MDGA2: variants seen among roughly 807,000 people sequenced by gnomAD.
MDGA2 encodes the protein MAM domain containing glycosylphosphatidylinositol anchor 2, also known as MAM domain-containing glycosylphosphatidylinositol anchor protein 2.
In MDGA2, 40 loss-of-function variants were observed where a neutral mutation model predicts 117.8. The observed-to-expected ratio is 0.34, with a 90% confidence interval of 0.26 to 0.44. The LOEUF is 0.44. MDGA2 is among the 20% of genes least tolerant of loss of function. The pLI is 1.00. For synonymous variants in MDGA2, 452 were observed against 439.0 expected, an observed-to-expected ratio of 1.03 and a Z score of -0.37; for missense variants, 1,123 against 1,250.6, an observed-to-expected ratio of 0.90 and a Z score of 1.54.
intron 3 of MDGA2, among the ~76,000 whole-genome samples, chr14:47,216,445 G>T (rs1336363593): frequency 6.6e-6 from 1 of 152,008 alleles, no homozygotes; most frequent in Admixed American, 6.6e-5. Flanking sequence ...TGGGCAAAAC[G>T]TGATTATTCA....
chr14:47,514,021 G>A (rs61995196), intron 1 of MDGA2, among the ~76,000 whole-genome samples: 8 of 152,194 alleles, frequency 5.3e-5, no homozygotes, highest in South Asian at 2.1e-4. Context: ...TAGTGACACC[G>A]GAGTGGGGAG....
In MDGA2 at chr14:46,877,350, A is replaced by C. The variant is rs1882273705; in HGVS notation, c.2437+139T>G. The C allele has an allele frequency of 6.5e-6, 3 of 462,202 alleles. 1 individual carries two copies. The South Asian group carries it at 1.2e-4, about 19-fold the overall frequency. The allele number at this position is 462,202 out of a possible 1,614,324, so 28.6% of individuals were successfully genotyped here. A position where few individuals can be genotyped will look rare whatever the true frequency, so the allele number is the denominator to read the frequency against. ...CTTTGAAATTTAAAATCTACATTTA[A>C]TGCCAATTTTACTGATTCTGAACAA... is the stretch of plus-strand genomic sequence containing the variant. On this transcript the variant is annotated intron_variant, in intron 12 of 16. Coordinates refer to ENST00000399232, the MANE Select transcript of MDGA2 (RefSeq NM_001113498.3).
At chr14:47,604,496 C>A (rs1481399151) in intron 1 of MDGA2, among the ~76,000 whole-genome samples, 5 of 133,754 alleles carry the variant, frequency 3.7e-5, no homozygotes, top group African/African-American at 1.1e-4. Flanking sequence ...CACCCCCCCC[C>A]ACCCTCACCC....
At chr14:46,878,880 C>G (rs901715638) in intron 11 of MDGA2, among the ~76,000 whole-genome samples, 12 of 152,062 alleles carry the variant, frequency 7.9e-5, no homozygotes, top group African/African-American at 2.9e-4. Flanking sequence ...AAGCTCTTAC[C>G]AGACTGAATT....
At chr14:47,544,003 C>G (rs1274800846) in intron 1 of MDGA2, among the ~76,000 whole-genome samples, 1 of 152,126 alleles carries the variant, frequency 6.6e-6, no homozygotes, top group Non-Finnish European at 1.5e-5. Flanking sequence ...AAACATTTAG[C>G]CAAACTTCTT....
intron 2 of MDGA2, among the ~76,000 whole-genome samples, chr14:47,260,226 G>T (rs921477307): frequency 6.6e-6 from 1 of 152,126 alleles, no homozygotes; most frequent in Non-Finnish European, 1.5e-5. Context: ...AATTGATGCA[G>T]ATGAATTAAT....
chr14:47,351,942 C>CAT lies in MDGA2; in HGVS notation c.281-50394_281-50393dup, dbSNP rs1427277181. On this transcript the variant is annotated intron_variant, in intron 1 of 16. Coordinates refer to ENST00000399232, the MANE Select transcript of MDGA2 (RefSeq NM_001113498.3). The stretch of plus-strand genomic sequence containing the variant: ...ACACACACACACACACACACACAAA[C>CAT]ATATATATATACACATATGCATATA... Among the ~76,000 whole-genome samples, 848 of 148,660 alleles carry CAT rather than the reference C, an allele frequency of 5.7e-3. 9 individuals are homozygous for CAT. Among genetic ancestry groups the CAT allele is most frequent in the African/African-American group, 0.02 (795 of 40,216 alleles).
At chr14:47,629,920 G>A (rs1445387296) in intron 1 of MDGA2, among the ~76,000 whole-genome samples, 2 of 152,100 alleles carry the variant, frequency 1.3e-5, no homozygotes, top group African/African-American at 2.4e-5. Flanking sequence ...TCTGTGGTGA[G>A]CCCTGAGATT....
intron 12 of MDGA2, among the ~76,000 whole-genome samples, chr14:46,876,565 A>G (rs1004226825): frequency 2.6e-5 from 4 of 151,590 alleles, no homozygotes; most frequent in Non-Finnish European, 4.4e-5. Flanking sequence ...TTACAACATG[A>G]TTTTAGCAGA....
intron 1 of MDGA2, among the ~76,000 whole-genome samples, chr14:47,436,189 G>A (rs1430550036): frequency 4.6e-5 from 7 of 152,082 alleles, no homozygotes; most frequent in African/African-American, 1.4e-4. Flanking sequence ...TTCTCAATTT[G>A]AGAAGTTGTC....
At chr14:47,308,273 G>A (rs796768310) in intron 1 of MDGA2, among the ~76,000 whole-genome samples, 39 of 152,224 alleles carry the variant, frequency 2.6e-4, no homozygotes, top group African/African-American at 8.7e-4. Context: ...AAAAAGGAGT[G>A]ATAAGTGAAA....
At chr14:47,352,781 G>C (rs193036240) in intron 1 of MDGA2, among the ~76,000 whole-genome samples, 1 of 151,826 alleles carries the variant, frequency 6.6e-6, no homozygotes, top group South Asian at 2.1e-4. Flanking sequence ...TGATTATTTC[G>C]AGAGCATTTG....
At chr14:47,280,650 C>G (rs142842772) in intron 2 of MDGA2, among the ~76,000 whole-genome samples, 1 of 151,882 alleles carries the variant, frequency 6.6e-6, no homozygotes, top group Non-Finnish European at 1.5e-5. Context: ...TACAGCCAAT[C>G]CAATGCTACT....
At chr14:47,186,017 T>C (rs550104697) in intron 3 of MDGA2, among the ~76,000 whole-genome samples, 41 of 151,742 alleles carry the variant, frequency 2.7e-4, no homozygotes, top group African/African-American at 9.9e-4. Context: ...TGTGTACATA[T>C]GTTCATACCA....
intron 2 of MDGA2, among the ~76,000 whole-genome samples, chr14:47,270,757 C>T (rs1566713188): frequency 6.6e-6 from 1 of 151,950 alleles, no homozygotes. Context: ...TTGGAATAGG[C>T]TGTATGTAAG....
chr14:47,340,539 G>A (rs1405774746), intron 1 of MDGA2, among the ~76,000 whole-genome samples: 1 of 152,030 alleles, frequency 6.6e-6, no homozygotes, highest in African/African-American at 2.4e-5. Context: ...TTTCCAGATG[G>A]GTCTCTGATA....
At chr14:47,152,470 C>T (rs1167349903) in intron 3 of MDGA2, among the ~76,000 whole-genome samples, 1 of 151,932 alleles carries the variant, frequency 6.6e-6, no homozygotes, top group East Asian at 1.9e-4. Context: ...TTATAGAAAC[C>T]TCGTCTCTTT....
chr14:47,294,080 AAAGCAG>A (rs1888979895), intron 2 of MDGA2, among the ~76,000 whole-genome samples: 1 of 151,344 alleles, frequency 6.6e-6, no homozygotes, highest in Non-Finnish European at 1.5e-5. Flanking sequence ...AGGGATTGTG[AAAGCAG>A]CCATTGATAT....
intron 8 of MDGA2, among the ~76,000 whole-genome samples, chr14:47,019,838 C>CAA (rs565526563): frequency 4.3e-4 from 27 of 63,180 alleles, no homozygotes; most frequent in African/African-American, 5.6e-4. Context: ...GAGTCCGTCT[C>CAA]AAAAAAAAAA....
Sources: allele counts gnomAD v4.1 joint callset (sites outside exome capture counted in the v4.1 genomes callset), GRCh38; gene constraint gnomAD v4.1.1; transcripts MANE v1.5; gene names NCBI Gene and HGNC (gene_info 2026-07-23, HGNC 2026-07-21).